Variants in NCOA1 observed in about 807,000 individuals in gnomAD.
NCOA1 encodes nuclear receptor coactivator 1.
Under a neutral mutation model 150.9 loss-of-function variants are expected in NCOA1, and 35 were observed. That is an observed-to-expected ratio of 0.23 (90% CI 0.18 to 0.31). The LOEUF is 0.31. NCOA1 is among the 10% of genes least tolerant of loss of function. The pLI, the probability that NCOA1 is intolerant of heterozygous loss-of-function variation, is 1.00. For missense variants in NCOA1, 1,491 were observed against 1,749.3 expected (o/e 0.85, Z 2.63); for synonymous variants, 590 against 630.0 (o/e 0.94, Z 0.95).
In NCOA1 at chr2:24,629,967, C is replaced by T. The variant is rs573862964; in HGVS notation, c.-174-13999C>T. Reference sequence around the variant, plus strand: ...CACACCATTCTCCTGCCTCAGCCTCCGGAGTAGCTGGGACTACAGGCATCT... The same window carrying T: ...CACACCATTCTCCTGCCTCAGCCTCTGGAGTAGCTGGGACTACAGGCATCT... On this transcript the variant is annotated intron_variant, in intron 3 of 22. Transcript: ENST00000348332. Among the ~76,000 whole-genome samples the T allele has an allele frequency of 1.0e-3, 158 of 151,312 alleles. 1 individual carries two copies. The highest frequency in any genetic ancestry group is 3.5e-3 in the African/African-American group (146 of 41,270).
intron 17 of NCOA1, among the ~76,000 whole-genome samples, chr2:24,730,691 T>C (rs1572653126): frequency 6.6e-6 from 1 of 151,896 alleles, no homozygotes; most frequent in African/African-American, 2.4e-5. Context: ...GCAACAGATA[T>C]GGAGATAATC....
At chr2:24,607,958 G>A (rs117067062) in intron 3 of NCOA1, among the ~76,000 whole-genome samples, 2 of 151,964 alleles carry the variant, frequency 1.3e-5, no homozygotes, top group East Asian at 1.9e-4. Flanking sequence ...CACTTTTAAG[G>A]CTGGACAATC....
intron 1 of NCOA1, among the ~76,000 whole-genome samples, chr2:24,505,183 T>C (rs1217404098): frequency 6.6e-6 from 1 of 151,892 alleles, no homozygotes; most frequent in Non-Finnish European, 1.5e-5. Context: ...AATATTTTTT[T>C]CTTTTTTCTT....
chr2:24,724,647 G>A (rs895793379), intron 14 of NCOA1, among the ~76,000 whole-genome samples: 2 of 151,616 alleles, frequency 1.3e-5, no homozygotes, highest in Admixed American at 1.3e-4. Flanking sequence ...TTCAAGACTA[G>A]TAAAATTAGA....
intron 1 of NCOA1, among the ~76,000 whole-genome samples, chr2:24,562,778 TG>T (rs1341903861): frequency 6.6e-6 from 1 of 152,146 alleles, no homozygotes; most frequent in Non-Finnish European, 1.5e-5. Flanking sequence ...GATTTATAGT[TG>T]GGGAGATGAC....
chr2:24,504,911 C>T (rs1663624303), intron 1 of NCOA1, among the ~76,000 whole-genome samples: 1 of 152,110 alleles, frequency 6.6e-6, no homozygotes, highest in Non-Finnish European at 1.5e-5. Context: ...CCTTGGAGGT[C>T]ATTTTCCCCC....
At chr2:24,553,706 C>T (rs1211532405) in intron 1 of NCOA1, among the ~76,000 whole-genome samples, 2 of 152,200 alleles carry the variant, frequency 1.3e-5, no homozygotes, top group East Asian at 3.9e-4. Flanking sequence ...AAGATATTTT[C>T]CATCTATGTT....
At chr2:24,651,613 C>T (rs894263478) in intron 4 of NCOA1, among the ~76,000 whole-genome samples, 4 of 151,840 alleles carry the variant, frequency 2.6e-5, no homozygotes, top group African/African-American at 7.3e-5. Context: ...ATAATATAAC[C>T]ATCATAATAT....
intron 1 of NCOA1, among the ~76,000 whole-genome samples, chr2:24,540,816 G>A (rs1665362312): frequency 6.6e-6 from 1 of 152,100 alleles, no homozygotes; most frequent in Admixed American, 6.6e-5. Context: ...TTAGATAGCA[G>A]CATAAGGAGA....
At chr2:24,659,391 A>G (rs1671083108) in intron 5 of NCOA1, among the ~76,000 whole-genome samples, 1 of 152,200 alleles carries the variant, frequency 6.6e-6, no homozygotes, top group Non-Finnish European at 1.5e-5. Flanking sequence ...TTGGTTTGTT[A>G]TAAGGAATAT....
chr2:24,767,522 A>G (rs970681062), intron 22 of NCOA1, among the ~76,000 whole-genome samples: 18 of 152,258 alleles, frequency 1.2e-4, no homozygotes, highest in African/African-American at 4.1e-4. Flanking sequence ...TATTACTCAT[A>G]GTAGTGAAGG....
At chr2:24,733,534 C>T (rs1007513172) in intron 17 of NCOA1, among the ~76,000 whole-genome samples, 10 of 149,960 alleles carry the variant, frequency 6.7e-5, no homozygotes, top group African/African-American at 2.0e-4. Context: ...GCCTGAGCTC[C>T]GGAGTTCAAG....
At chr2:24,584,593 A>G (rs1041433190) in intron 3 of NCOA1, 33 bp downstream of exon 3, 1 of 152,198 alleles carries the variant, frequency 6.6e-6, no homozygotes, top group Non-Finnish European at 1.5e-5. Context: ...TACTATCTGG[A>G]TTTTTATAGT....
chr2:24,644,288 A>G (rs1215556322), intron 4 of NCOA1, among the ~76,000 whole-genome samples, 166 bp downstream of exon 4: 1 of 152,176 alleles, frequency 6.6e-6, no homozygotes, highest in East Asian at 1.9e-4. Flanking sequence ...AATGATAGGA[A>G]AGTTCTAGGA....
intron 1 of NCOA1, among the ~76,000 whole-genome samples, chr2:24,561,838 A>G (rs1332362381): frequency 6.6e-6 from 1 of 152,188 alleles, no homozygotes; most frequent in African/African-American, 2.4e-5. Context: ...AAGAAACAAT[A>G]ATTACTTAAA....
At chr2:24,656,065 G>A (rs1296974829) in intron 4 of NCOA1, among the ~76,000 whole-genome samples, 13 of 148,620 alleles carry the variant, frequency 8.7e-5, no homozygotes, top group African/African-American at 3.2e-4. Context: ...TCCAGCCTGG[G>A]CGACAGAGCG....
At chr2:24,508,526 G>A (rs764291174) in intron 1 of NCOA1, among the ~76,000 whole-genome samples, 3 of 152,036 alleles carry the variant, frequency 2.0e-5, no homozygotes, top group Non-Finnish European at 4.4e-5. Flanking sequence ...TGTACATGGG[G>A]CTGATACTGT....
At chr2:24,751,803 C>T (rs2148679565) in intron 19 of NCOA1, among the ~76,000 whole-genome samples, 179 bp from the exon 20 acceptor site, 1 of 152,204 alleles carries the variant, frequency 6.6e-6, no homozygotes, top group Middle Eastern at 3.4e-3. Flanking sequence ...GTTTAAGATA[C>T]TAAATTTTTT....
At chr2:24,574,121 A>G (rs1376041336) in intron 2 of NCOA1, among the ~76,000 whole-genome samples, 2 of 152,132 alleles carry the variant, frequency 1.3e-5, no homozygotes, top group African/African-American at 2.4e-5. Context: ...GACAAATCTT[A>G]CAAAGGAAAA....
Sources: gnomAD v4.1 joint callset for allele counts (sites outside exome capture counted in the v4.1 genomes callset) on GRCh38, gnomAD v4.1.1 for gene constraint, MANE v1.5 for transcripts, NCBI Gene and HGNC (gene_info 2026-07-23, HGNC 2026-07-21) for gene names.